SRP72: variants seen among roughly 807,000 people sequenced by gnomAD.
SRP72 encodes the protein signal recognition particle subunit SRP72.
SRP72 carries 49 observed loss-of-function variants against 96.3 expected under a neutral mutation model. That is an observed-to-expected ratio of 0.51 (90% CI 0.40 to 0.65). SRP72 has a LOEUF of 0.65. SRP72 is among the 30% of genes least tolerant of loss of function. The pLI is 0.00. For missense variants in SRP72, 736 were observed against 793.3 expected (o/e 0.93, Z 0.87); for synonymous variants, 267 against 275.2 (o/e 0.97, Z 0.30).
intron 8 of SRP72, among the ~76,000 whole-genome samples, chr4:56,479,033 C>T (rs996731640): frequency 5.9e-5 from 9 of 151,986 alleles, no homozygotes; most frequent in Admixed American, 2.0e-4. Context: ...AATTTTCTCT[C>T]GGGTTTTCTT....
intron 8 of SRP72, among the ~76,000 whole-genome samples, chr4:56,482,285 C>G (rs1265843342): frequency 1.5e-5 from 2 of 133,892 alleles, no homozygotes. Context: ...ACTAAAAATA[C>G]AAAAAAAAAA....
intron 16 of SRP72, among the ~76,000 whole-genome samples, chr4:56,494,736 G>C (rs916945159): frequency 5.9e-5 from 9 of 152,006 alleles, no homozygotes; most frequent in Non-Finnish European, 1.2e-4. Context: ...ATTTTGAAGT[G>C]TTAATTTTTA....
At position 56,495,346 on chromosome 4, in the gene SRP72, T is replaced by C. The variant is rs777320132; in HGVS notation, c.1641-11T>C. ...CACAAAGATGGTAATGATTTTTTTTTCTCTTTGTAGACAGGGAGATTTGAA... is the reference window on the plus strand; with the variant it reads ...CACAAAGATGGTAATGATTTTTTTTCCTCTTTGTAGACAGGGAGATTTGAA... On this transcript the variant is annotated splice_polypyrimidine_tract_variant and intron_variant, in intron 16 of 18. Transcript: ENST00000642900. The C allele has an allele frequency of 2.0e-6, 3 of 1,478,822 alleles. No homozygotes were observed. Among genetic ancestry groups the C allele is most frequent in the South Asian group, 1.2e-5 (1 of 83,332 alleles). The allele number at this position is 1,478,822 out of a possible 1,614,324, so 91.6% of individuals were successfully genotyped here.
Position 56,490,664 on chromosome 4 carries a change from T to C in SRP72, c.1502+19T>C, listed in dbSNP as rs1477036433. ...CCAAAGCGTATCCTTTTGATTGTTA[T>C]TCCTTACAGCTCCTCAGTAGCACAA... On this transcript the variant is annotated intron_variant, in intron 15 of 18. Transcript: ENST00000642900. The C allele has an allele frequency of 2.5e-6, 4 of 1,598,752 alleles. 1 individual carries two copies. In the South Asian group the frequency reaches 4.4e-5, roughly 18 times the overall value.
rs1273778662 is a variant in SRP72, at chr4:56,471,705, T to C, written c.231-15T>C. On this transcript the variant is annotated splice_polypyrimidine_tract_variant and intron_variant, in intron 2 of 18. Transcript: ENST00000642900. ...TTAGATAATAATCAGATACTGTTTT[T>C]TTTTCCTTCTTCAGTAACTCTCTCT... The C allele has an allele frequency of 3.7e-6, 6 of 1,611,098 alleles. No individual in the cohort carries two copies. The highest frequency in any genetic ancestry group is 4.2e-6 in the Non-Finnish European group (5 of 1,179,088).
intron 16 of SRP72, 53 bp from the exon 17 acceptor site, chr4:56,495,304 C>T (rs970415474): frequency 6.2e-6 from 8 of 1,285,306 alleles, no homozygotes; most frequent in Middle Eastern, 2.0e-4. Flanking sequence ...TTACTTAATG[C>T]TCTATAAATA....
At position 56,468,060 on chromosome 4, in the gene SRP72, C is replaced by T. The variant is rs528525132; in HGVS notation, c.109+316C>T. On this transcript the variant is annotated intron_variant, in intron 1 of 18. Transcript: ENST00000642900. Reference sequence around the variant, plus strand: ...CATTTCAAACTGTTTTCTTATTTGACTCCTTTGCTGCTTTATTTCACAAAT... The same window carrying T: ...CATTTCAAACTGTTTTCTTATTTGATTCCTTTGCTGCTTTATTTCACAAAT... Among the ~76,000 whole-genome samples the T allele has an allele frequency of 9.8e-5, 15 of 152,378 alleles. No homozygotes were observed. The East Asian group carries it at 2.7e-3, about 27-fold the overall frequency.
Position 56,497,227 on chromosome 4 carries a change from T to TA in SRP72, c.1678+1833_1678+1834insA, listed in dbSNP as rs200995698. Among the ~76,000 whole-genome samples, 297 of 150,398 alleles carry TA rather than the reference T, an allele frequency of 2.0e-3. 1 individual carries two copies. The highest frequency in any genetic ancestry group is 6.2e-3 in the African/African-American group (254 of 41,104). On this transcript the variant is annotated intron_variant, in intron 17 of 18. Transcript: ENST00000642900. ...TTTTATTTTATTTTATTTATTTATT[T>TA]TTTTTTTTTTGAGACCGCGTCTTGC...
Position 56,503,290 on chromosome 4 carries a change from A to G in SRP72, c.*1429A>G, listed in dbSNP as rs1289376181. ...CTACAGAGAACAGTCTTTTGGTAAT[A>G]GTGGCAGGTATTTATTCCTTCTGAA... On this transcript the variant is annotated 3_prime_UTR_variant, in exon 19 of 19. Transcript: ENST00000642900. The G allele has an allele frequency of 6.6e-6, 1 of 152,206 alleles. No individual in the cohort carries two copies. The highest frequency in any genetic ancestry group is 2.4e-5 in the African/African-American group (1 of 41,454). The allele number at this position is 152,206 out of a possible 1,614,324, so 9.4% of individuals were successfully genotyped here.
chr4:56,474,940 C>A (rs1464615160), intron 5 of SRP72, among the ~76,000 whole-genome samples: 1 of 152,182 alleles, frequency 6.6e-6, no homozygotes, highest in East Asian at 1.9e-4. Context: ...CTGCCTTGGC[C>A]TCCTAAAGTG....
rs59791697 is a variant in SRP72, at chr4:56,502,468, T to TATATATATATATATGTATATATATATAC, written c.*622_*649dup. The TATATATATATATATGTATATATATATAC allele has an allele frequency of 2.3e-4, 32 of 137,912 alleles. No individual in the cohort carries two copies. The highest frequency in any genetic ancestry group is 4.2e-4 in the Non-Finnish European group (27 of 64,630). The allele number at this position is 137,912 out of a possible 1,614,324, so 8.5% of individuals were successfully genotyped here. On this transcript the variant is annotated 3_prime_UTR_variant, in exon 19 of 19. Coordinates refer to ENST00000642900, the MANE Select transcript of SRP72 (RefSeq NM_006947.4). ...GAATATGGGATACTTTTCATGTTTATATATATATATATATGTATATATATA... is the reference window on the plus strand; with the variant it reads ...GAATATGGGATACTTTTCATGTTTATATATATATATATATGTATATATATATACATATATATATATATGTATATATATA...
intron 1 of SRP72, 41 bp from the exon 2 acceptor site, chr4:56,469,612 A>G: frequency 6.6e-7 from 1 of 1,509,238 alleles, no homozygotes; most frequent in Non-Finnish European, 9.0e-7. Context: ...TGTGAAAAGG[A>G]AATGGATTTA....
chr4:56,494,249 A>G (rs963259447), intron 16 of SRP72, among the ~76,000 whole-genome samples: 2 of 152,170 alleles, frequency 1.3e-5, no homozygotes, highest in African/African-American at 4.8e-5. Context: ...TCCTGAGAGA[A>G]CGTTCACAAT....
In SRP72 at chr4:56,474,286, C is replaced by T. The variant is rs1720114831; in HGVS notation, c.505C>T (p.Leu169=). The T allele has an allele frequency of 1.2e-6, 2 of 1,613,816 alleles. No homozygotes were observed. Among genetic ancestry groups the T allele is most frequent in the African/African-American group, 1.3e-5 (1 of 74,922 alleles). ...GTATTTTGTCCCCTGACAGGAGAAC[C>T]TGGGCCTCCAAGAAGGCACACATGA... ...SNWEKVVPEN[L]GLQEGTHELC... The change falls in exon 5 of 19, where the codon CTG becomes TTG. Residue 169 remains leucine, a synonymous_variant. Coordinates refer to ENST00000642900, the MANE Select transcript of SRP72 (RefSeq NM_006947.4).
At chr4:56,485,240 G>A (rs1720659152) in intron 10 of SRP72, among the ~76,000 whole-genome samples, 1 of 151,852 alleles carries the variant, frequency 6.6e-6, no homozygotes, top group Non-Finnish European at 1.5e-5. Flanking sequence ...TACTGACTTT[G>A]TTTTTATCAA....
rs566011636 is a variant in SRP72, at chr4:56,493,864, TA to T, written c.1641-1485del. ...CTGGGTGACCGAATGAGACTCTGTC[TA>T]AAAAAAAGGAACTTGAATCTAGCAG... On this transcript the variant is annotated intron_variant, in intron 16 of 18. Coordinates refer to ENST00000642900, the MANE Select transcript of SRP72 (RefSeq NM_006947.4). Among the ~76,000 whole-genome samples, 259 of 151,870 alleles carry T rather than the reference TA, an allele frequency of 1.7e-3. 1 individual carries two copies. Among genetic ancestry groups the T allele is most frequent in the Non-Finnish European group, 2.8e-3 (190 of 67,910 alleles).
In SRP72 at chr4:56,476,598, T is replaced by C. The variant is rs1227175288; in HGVS notation, c.611-73T>C. ...AATCTTCTGCTTAGGAATTTAGATC[T>C]TGCTCTTTGGAATAGTGAAAGAAAT... On this transcript the variant is annotated intron_variant, in intron 5 of 18. Transcript: ENST00000642900. 4.7e-6 allele frequency: 7 copies of C among 1,502,590 alleles called. No individual in the cohort carries two copies. The East Asian group carries it at 1.6e-4, about 34-fold the overall frequency. 93.1% of individuals were successfully genotyped at this position (1,502,590 alleles called of 1,614,324 possible).
intron 8 of SRP72, among the ~76,000 whole-genome samples, chr4:56,482,451 A>G (rs1720539269): frequency 6.6e-6 from 1 of 151,988 alleles, no homozygotes; most frequent in South Asian, 2.1e-4. Context: ...CCATCTCAAA[A>G]AAAAAAAAGG....
chr4:56,497,726 C>T (rs931527242), intron 17 of SRP72, among the ~76,000 whole-genome samples: 5 of 151,680 alleles, frequency 3.3e-5, no homozygotes, highest in African/African-American at 1.2e-4. Flanking sequence ...TGGGTTTCTG[C>T]AGGATAAATT....
Sources: allele counts gnomAD v4.1 joint callset (sites outside exome capture counted in the v4.1 genomes callset), GRCh38; gene constraint gnomAD v4.1.1; transcripts MANE v1.5; gene names NCBI Gene and HGNC (gene_info 2026-07-23, HGNC 2026-07-21).